Variants in NECTIN3 observed in about 807,000 individuals in gnomAD.
NECTIN3 encodes the protein nectin cell adhesion molecule 3.
Under a neutral mutation model 49.4 loss-of-function variants are expected in NECTIN3, and 8 were observed. The observed-to-expected ratio is 0.16, with a 90% CI of 0.10 to 0.29. The LOEUF (loss-of-function observed/expected upper bound fraction) is 0.29, where lower values mean the gene tolerates loss of function less well. NECTIN3 is among the 10% of genes least tolerant of loss of function. NECTIN3 has a pLI of 1.00. For missense variants in NECTIN3, 581 were observed against 654.6 expected (o/e 0.89, Z 1.23); for synonymous variants, 277 against 241.1 (o/e 1.15, Z -1.38).
intron 3 of NECTIN3, 56 bp downstream of exon 3, chr3:111,119,008 A>G (rs554585102): frequency 1.5e-4 from 214 of 1,405,940 alleles, no homozygotes; most frequent in Non-Finnish European, 1.9e-4. Flanking sequence ...TTATCAAACT[A>G]TTTTTAGTTT....
At chr3:111,144,805 T>G (rs1253464172) in intron 5 of NECTIN3, 1 of 1,352,196 alleles carries the variant, frequency 7.4e-7, no homozygotes, top group Non-Finnish European at 9.9e-7. Context: ...ATAACATACT[T>G]CAGTCAAATA....
At chr3:111,083,627 T>C (rs927570032) in intron 1 of NECTIN3, among the ~76,000 whole-genome samples, 13 of 152,310 alleles carry the variant, frequency 8.5e-5, no homozygotes, top group East Asian at 7.7e-4. Flanking sequence ...TGGTATTTTG[T>C]TAAAGCAGCC....
chr3:111,173,983 A>G (rs1286241597), intron 7 of NECTIN3, among the ~76,000 whole-genome samples: 2 of 152,086 alleles, frequency 1.3e-5, no homozygotes, highest in Non-Finnish European at 2.9e-5. Context: ...CATCCAGATT[A>G]ATGTTTCTCA....
intron 7 of NECTIN3, among the ~76,000 whole-genome samples, chr3:111,168,037 T>C (rs1413485555): frequency 6.6e-6 from 1 of 152,212 alleles, no homozygotes; most frequent in Non-Finnish European, 1.5e-5. Context: ...TCTGAAAATC[T>C]GAAACGCTCC....
chr3:111,161,292 T>G (rs4682239), intron 7 of NECTIN3, among the ~76,000 whole-genome samples: 10,745 of 152,186 alleles, frequency 0.071, 877 homozygotes, highest in East Asian at 0.24. Context: ...ATGCTGCCAC[T>G]TGGCCTTTGT....
intron 7 of NECTIN3, among the ~76,000 whole-genome samples, chr3:111,154,436 A>T (rs1406918701): frequency 6.6e-6 from 1 of 152,148 alleles, no homozygotes; most frequent in Non-Finnish European, 1.5e-5. Flanking sequence ...GTTTGGGACT[A>T]TTACAAACAA....
rs75354183 is a variant in NECTIN3 at position 111,117,324 on chromosome 3, A to G, written c.503-1332A>G. ...TAGATTTGCATGTGTTGGTTGTAGA[A>G]CTATAATGAAAAACAAACCATTGAT... is the stretch of plus-strand genomic sequence containing the variant. On this transcript the variant is annotated intron_variant, in intron 2 of 5. Coordinates refer to ENST00000485303, the MANE Select transcript of NECTIN3 (RefSeq NM_015480.3). Among the ~76,000 whole-genome samples the G allele has an allele frequency of 0.042, 6,388 of 152,124 alleles. 714 individuals are homozygous for G. The East Asian group carries it at 0.45, about 11-fold the overall frequency.
chr3:111,131,302 A>T (rs1576145346), intron 5 of NECTIN3, among the ~76,000 whole-genome samples: 1 of 152,024 alleles, frequency 6.6e-6, no homozygotes, highest in African/African-American at 2.4e-5. Flanking sequence ...CAGTCAGCAA[A>T]GAGTATGAAA....
rs1423772163 is a variant in NECTIN3 at position 111,136,750 on chromosome 3, C to T, written c.*2535C>T. 7 of 921,402 alleles carry T rather than the reference C, an allele frequency of 7.6e-6. No homozygotes were observed. In the Admixed American group the frequency reaches 4.4e-4, roughly 57 times the overall value. The allele number at this position is 921,402 out of a possible 1,614,324, so 57.1% of individuals were successfully genotyped here. A position where few individuals can be genotyped will look rare whatever the true frequency, so the allele number is the denominator to read the frequency against. The stretch of plus-strand genomic sequence containing the variant: ...TTTCATATGGTTTGAACTGTTTTAG[C>T]ATTTTGTAAATTCACTTGAGAGTTT... On this transcript the variant is annotated 3_prime_UTR_variant, in exon 6 of 6. Transcript: ENST00000485303.
chr3:111,111,304 T>G (rs2033450230), intron 1 of NECTIN3, among the ~76,000 whole-genome samples: 1 of 152,212 alleles, frequency 6.6e-6, no homozygotes, highest in South Asian at 2.1e-4. Context: ...GATGTCATTT[T>G]AACTTTTGCT....
chr3:111,118,371 A>G (rs1000624020), intron 2 of NECTIN3, among the ~76,000 whole-genome samples: 2 of 148,798 alleles, frequency 1.3e-5, no homozygotes, highest in Admixed American at 6.8e-5. Flanking sequence ...AATTTTTTTT[A>G]TATATTAAGT....
At chr3:111,172,650 C>T (rs141903241) in intron 7 of NECTIN3, among the ~76,000 whole-genome samples, 2 of 152,260 alleles carry the variant, frequency 1.3e-5, no homozygotes, top group African/African-American at 4.8e-5. Flanking sequence ...ATTAAACTTT[C>T]GTTCTTAATG....
At position 111,176,043 on chromosome 3, in the gene NECTIN3, T is replaced by C. The variant is rs548538465; in HGVS notation, c.1222-16308T>C. The stretch of plus-strand genomic sequence containing the variant: ...GTCATCCTGCAATGACATTTACCAA[T>C]TCCACACTAAGTAGATGGCCTGTTA... On this transcript the variant is annotated intron_variant, in intron 7 of 8. Coordinates refer to the NECTIN3 transcript ENST00000493615. 9.8e-5 allele frequency among the ~76,000 whole-genome samples: 15 copies of C among 152,336 alleles called. No individual in the cohort carries two copies. The South Asian group carries it at 3.1e-3, about 32-fold the overall frequency.
intron 1 of NECTIN3, among the ~76,000 whole-genome samples, chr3:111,095,235 G>GA (rs1434544450): frequency 1.3e-5 from 2 of 152,098 alleles, no homozygotes; most frequent in African/African-American, 2.4e-5. Flanking sequence ...AGACTTGAGG[G>GA]AAAAATCTTC....
intron 1 of NECTIN3, among the ~76,000 whole-genome samples, chr3:111,091,614 A>G (rs1024128039): frequency 2.6e-5 from 4 of 152,076 alleles, no homozygotes; most frequent in Admixed American, 1.3e-4. Context: ...AAGTTCATCA[A>G]TGTTGTTGTA....
rs1401036259 is a variant in NECTIN3, at chr3:111,137,237, G to GA, written c.*3025dup. The GA allele has an allele frequency of 1.1e-6, 1 of 933,708 alleles. No homozygotes were observed. Among genetic ancestry groups the GA allele is most frequent in the Non-Finnish European group, 1.3e-6 (1 of 783,222 alleles). 57.8% of individuals were successfully genotyped at this position (933,708 alleles called of 1,614,324 possible). Reference sequence around the variant, plus strand: ...TGAAAGTAATCAATGTAAAATATAAGAAAGGAATAAATGGTACCCATTTTG... The same window carrying GA: ...TGAAAGTAATCAATGTAAAATATAAGAAAAGGAATAAATGGTACCCATTTTG... On this transcript the variant is annotated 3_prime_UTR_variant, in exon 6 of 6. Coordinates refer to ENST00000485303, the MANE Select transcript of NECTIN3 (RefSeq NM_015480.3).
At chr3:111,161,223 CAG>C (rs1206599143) in intron 7 of NECTIN3, among the ~76,000 whole-genome samples, 2 of 152,118 alleles carry the variant, frequency 1.3e-5, no homozygotes, top group African/African-American at 2.4e-5. Context: ...GAGTTTCAAA[CAG>C]AAATTGCTCT....
intron 5 of NECTIN3, among the ~76,000 whole-genome samples, chr3:111,144,370 TTTAATA>T (rs368344860): frequency 4.6e-5 from 7 of 152,084 alleles, no homozygotes; most frequent in African/African-American, 1.4e-4. Context: ...CAAGTCCTGT[TTTAATA>T]TTAATATTTA....
intron 1 of NECTIN3, among the ~76,000 whole-genome samples, chr3:111,075,403 G>A (rs1019047032): frequency 2.6e-5 from 4 of 151,800 alleles, no homozygotes; most frequent in African/African-American, 9.7e-5. Context: ...ATTTAACCTT[G>A]GAAACTTGAA....
Sources: allele counts gnomAD v4.1 joint callset (sites outside exome capture counted in the v4.1 genomes callset), GRCh38; gene constraint gnomAD v4.1.1; transcripts MANE v1.5; gene names NCBI Gene and HGNC (gene_info 2026-07-23, HGNC 2026-07-21).